ELMO1: variants seen among roughly 807,000 people sequenced by gnomAD.
The protein encoded by ELMO1 is engulfment and cell motility protein 1.
A neutral mutation model predicts 98.9 loss-of-function variants in ELMO1; 26 were observed. The ratio of observed to expected loss-of-function variants is 0.26; its 90% confidence interval spans 0.19 to 0.36. The LOEUF (loss-of-function observed/expected upper bound fraction) is 0.36. Ranked by LOEUF, ELMO1 falls within the 10% of genes least tolerant of loss-of-function variation. The pLI, the probability that ELMO1 is intolerant of heterozygous loss-of-function variation, is 1.00. For synonymous variants in ELMO1, 346 were observed against 346.0 expected (o/e 1.00, Z 0.00); for missense variants, 627 against 935.2 (o/e 0.67, Z 4.30).
chr7:37,396,705 G>A (rs1803313406), intron 1 of ELMO1, among the ~76,000 whole-genome samples: 1 of 152,210 alleles, frequency 6.6e-6, no homozygotes, highest in African/African-American at 2.4e-5. Context: ...TACCCCTAGA[G>A]AATTGGATAA....
chr7:37,240,515 C>CT (rs533668042), intron 7 of ELMO1, among the ~76,000 whole-genome samples: 1 of 151,402 alleles, frequency 6.6e-6, no homozygotes, highest in East Asian at 1.9e-4. Flanking sequence ...TCTTATTATT[C>CT]TTTTTTTCTA....
Position 37,043,168 on chromosome 7 carries a change from C to T in ELMO1, c.1301-29733G>A, listed in dbSNP as rs1795617609. 2.0e-5 allele frequency among the ~76,000 whole-genome samples: 3 copies of T among 152,140 alleles called. No homozygotes were observed. The South Asian group carries it at 6.2e-4, about 32-fold the overall frequency. On this transcript the variant is annotated intron_variant, in intron 15 of 21. Coordinates refer to ENST00000310758, the MANE Select transcript of ELMO1 (RefSeq NM_014800.11). The stretch of plus-strand genomic sequence containing the variant: ...TCTCACTCCAGTCCCTTCTCCCTTC[C>T]AATTACCACTAAATAAAGAAACAAC...
chr7:36,991,229 G>A (rs1318772789), intron 16 of ELMO1, among the ~76,000 whole-genome samples: 1 of 152,120 alleles, frequency 6.6e-6, no homozygotes, highest in Non-Finnish European at 1.5e-5. Flanking sequence ...CTACATCTCA[G>A]CCCTCTTATG....
intron 2 of ELMO1, among the ~76,000 whole-genome samples, chr7:37,339,617 A>C (rs970230177): frequency 2.0e-5 from 3 of 152,186 alleles, no homozygotes; most frequent in African/African-American, 7.2e-5. Flanking sequence ...ATGTGAAAAC[A>C]TACTTCTAAT....
At chr7:37,277,525 C>T (rs1261116616) in intron 4 of ELMO1, among the ~76,000 whole-genome samples, 1 of 152,198 alleles carries the variant, frequency 6.6e-6, no homozygotes, top group African/African-American at 2.4e-5. Context: ...ACTGATCTTC[C>T]ACCATTTAAG....
chr7:36,864,318 T>C (rs1441262037), intron 20 of ELMO1, among the ~76,000 whole-genome samples: 1 of 152,134 alleles, frequency 6.6e-6, no homozygotes, highest in Non-Finnish European at 1.5e-5. Flanking sequence ...TGCCCTTCTA[T>C]GACATATACC....
intron 16 of ELMO1, among the ~76,000 whole-genome samples, chr7:37,005,128 A>AAAAAAAAAAAAAC (rs1792975572): frequency 6.6e-6 from 1 of 150,606 alleles, no homozygotes; most frequent in Admixed American, 6.6e-5. Flanking sequence ...AAAAAAAAAA[A>AAAAAAAAAAAAAC]AAAAGAAAAA....
chr7:36,855,363 C>G lies in ELMO1; in HGVS notation c.*188G>C. ...AAGCAGTGGAGCCGAGGAACAGAAT[C>G]AGGGCGGTGAGCAAGATGCCAGCTA... On this transcript the variant is annotated 3_prime_UTR_variant, in exon 22 of 22. Coordinates refer to ENST00000310758, the MANE Select transcript of ELMO1 (RefSeq NM_014800.11). This position sits in a 1 kb window ranked among gnomAD's most constrained non-coding sequence, Gnocchi z 4.2. The G allele has an allele frequency of 1.5e-6, 1 of 658,490 alleles. No individual in the cohort carries two copies. The highest frequency in any genetic ancestry group is 2.6e-6 in the Non-Finnish European group (1 of 385,004). 40.8% of individuals were successfully genotyped at this position (658,490 alleles called of 1,614,324 possible).
chr7:37,355,593 AG>A (rs1801464364), intron 1 of ELMO1, among the ~76,000 whole-genome samples: 1 of 152,212 alleles, frequency 6.6e-6, no homozygotes, highest in Non-Finnish European at 1.5e-5. Context: ...CAGAAATCGG[AG>A]GGGGGAAAGT....
intron 16 of ELMO1, among the ~76,000 whole-genome samples, chr7:36,935,299 G>A (rs1786424326): frequency 6.6e-6 from 1 of 152,102 alleles, no homozygotes; most frequent in Non-Finnish European, 1.5e-5. Flanking sequence ...GGCCTCCCCA[G>A]CCATGTGGAA....
intron 13 of ELMO1, among the ~76,000 whole-genome samples, chr7:37,159,914 C>T (rs553948704): frequency 6.6e-6 from 1 of 152,222 alleles, no homozygotes; most frequent in East Asian, 1.9e-4. Flanking sequence ...TACATGAATA[C>T]CATTTAATTC....
chr7:37,132,036 C>T (rs376087485), intron 14 of ELMO1, among the ~76,000 whole-genome samples: 7 of 152,220 alleles, frequency 4.6e-5, no homozygotes, highest in Admixed American at 1.3e-4. Context: ...TGAAGAAACA[C>T]GCCCACACAT....
At chr7:37,173,959 C>G (rs1790349037) in intron 13 of ELMO1, among the ~76,000 whole-genome samples, 1 of 152,184 alleles carries the variant, frequency 6.6e-6, no homozygotes, top group Admixed American at 6.5e-5. Flanking sequence ...GTGAAGCTAA[C>G]GTCATCTGGC....
At position 37,311,327 on chromosome 7, in the gene ELMO1, AT is replaced by A. The variant is rs1050530026; in HGVS notation, c.192+3522del. Among the ~76,000 whole-genome samples the A allele has an allele frequency of 2.5e-3, 375 of 147,456 alleles. 2 individuals are homozygous for A. Among genetic ancestry groups the A allele is most frequent in the African/African-American group, 7.6e-3 (306 of 40,446 alleles). The stretch of plus-strand genomic sequence containing the variant: ...ATTGGATTGTTTGGCCAGCTAGAGA[AT>A]TTTTTTTTTTTCTGAAAAAAATTTT... On this transcript the variant is annotated intron_variant, in intron 4 of 21. Transcript: ENST00000310758.
chr7:37,142,475 T>C (rs999049447), intron 13 of ELMO1, among the ~76,000 whole-genome samples: 3 of 152,210 alleles, frequency 2.0e-5, no homozygotes, highest in African/African-American at 7.2e-5. Context: ...TCAGATGAGT[T>C]TGGAAGCTTG....
intron 7 of ELMO1, among the ~76,000 whole-genome samples, chr7:37,239,203 T>C (rs1794632952): frequency 6.6e-6 from 1 of 152,160 alleles, no homozygotes; most frequent in Non-Finnish European, 1.5e-5. Flanking sequence ...TCTCGCTCTG[T>C]CGCCCAGGCT....
intron 17 of ELMO1, among the ~76,000 whole-genome samples, chr7:36,890,788 T>C (rs1805483958): frequency 6.6e-6 from 1 of 152,186 alleles, no homozygotes. Context: ...TCACATCACA[T>C]CATTCCTTTG....
At chr7:37,173,949 G>A (rs1790347973) in intron 13 of ELMO1, among the ~76,000 whole-genome samples, 2 of 152,158 alleles carry the variant, frequency 1.3e-5, no homozygotes, top group Non-Finnish European at 2.9e-5. Context: ...CCATCTTCTG[G>A]TGAAGCTAAC....
chr7:37,347,721 C>T (rs1801074745), intron 1 of ELMO1, among the ~76,000 whole-genome samples: 2 of 152,000 alleles, frequency 1.3e-5, no homozygotes, highest in South Asian at 2.1e-4. Context: ...CCCAATCTCC[C>T]GTATGTCTTT....
Sources: gnomAD v4.1 joint callset for allele counts (sites outside exome capture counted in the v4.1 genomes callset) on GRCh38, gnomAD v4.1.1 for gene constraint, Gnocchi (gnomAD v3.1) non-coding constraint, MANE v1.5 for transcripts, NCBI Gene and HGNC (gene_info 2026-07-23, HGNC 2026-07-21) for gene names.